Variants in ATRN observed in about 807,000 individuals in gnomAD.
ATRN encodes attractin, also known as attractin-2.
A neutral mutation model predicts 178.7 loss-of-function variants in ATRN; 54 were observed. The ratio of observed to expected loss-of-function variants is 0.30; its 90% confidence interval spans 0.24 to 0.38. ATRN has a LOEUF of 0.38. Among genes scored for constraint, ATRN ranks in the 10% least tolerant of loss-of-function variants. ATRN has a pLI of 1.00. For missense variants in ATRN, 1,443 were observed against 1,815.1 expected (o/e 0.79, Z 3.73); for synonymous variants, 636 against 663.0 (o/e 0.96, Z 0.63).
intron 1 of ATRN, among the ~76,000 whole-genome samples, chr20:3,533,806 A>G (rs1231562830): frequency 2.6e-5 from 4 of 152,052 alleles, no homozygotes; most frequent in Admixed American, 6.5e-5. Flanking sequence ...ATGTATATCT[A>G]TATCTATATA....
At chr20:3,473,088 A>G (rs1052567552) in intron 1 of ATRN, among the ~76,000 whole-genome samples, 1 of 152,250 alleles carries the variant, frequency 6.6e-6, no homozygotes, top group East Asian at 1.9e-4. Context: ...TATGAATTCC[A>G]TTAACCTACA....
rs1353067325 is a variant in ATRN, at chr20:3,647,815, A to T, written c.*968A>T. The T allele has an allele frequency of 6.6e-6, 1 of 152,228 alleles. No homozygotes were observed. The highest frequency in any genetic ancestry group is 2.4e-5 in the African/African-American group (1 of 41,458). The allele number at this position is 152,228 out of a possible 1,614,324, so 9.4% of individuals were successfully genotyped here. A position where few individuals can be genotyped will look rare whatever the true frequency, so the allele number is the denominator to read the frequency against. On this transcript the variant is annotated 3_prime_UTR_variant, in exon 29 of 29. Transcript: ENST00000262919. ...TCACCCAAGGAACATTTGATCTAGC[A>T]GCAGGGATGAGAGGAAAGCAGAAAT...
At chr20:3,627,228 C>T (rs903482926) in intron 25 of ATRN, among the ~76,000 whole-genome samples, 1 of 152,202 alleles carries the variant, frequency 6.6e-6, no homozygotes, top group African/African-American at 2.4e-5. Context: ...TTAGCTGCAC[C>T]TAGAATCACT....
intron 1 of ATRN, among the ~76,000 whole-genome samples, chr20:3,505,124 C>T (rs2085022890): frequency 6.6e-6 from 1 of 152,258 alleles, no homozygotes; most frequent in South Asian, 2.1e-4. Context: ...GAGGTTGGCA[C>T]CTGAATCAGT....
intron 11 of ATRN, among the ~76,000 whole-genome samples, chr20:3,571,619 A>C (rs2086126197): frequency 6.7e-6 from 1 of 150,002 alleles, no homozygotes; most frequent in South Asian, 2.1e-4. Flanking sequence ...TATAGTTTTA[A>C]TTTGCATTTT....
rs1449198404 is a variant in ATRN at position 3,572,844 on chromosome 20, C to G, written c.1985C>G (p.Pro662Arg). Residue 662 changes from proline to arginine, a missense_variant, in exon 12 of 29, where the codon CCT (proline) becomes CGT (arginine). Pro to Arg is a moderately radical substitution (Grantham distance 103). This residue lies in a region of ATRN where 862 missense variants were observed against 972.1 expected (regional missense o/e 0.89). Coordinates refer to ENST00000262919, the MANE Select transcript of ATRN (RefSeq NM_139321.3). ...RSEAACLAAG[P>R]GIRCVWNTGS... Reference sequence around the variant, plus strand: ...GAAGCCGCTTGTTTAGCAGCAGGACCTGGTATTCGGTGTGTGTGGAACACA... The same window carrying G: ...GAAGCCGCTTGTTTAGCAGCAGGACGTGGTATTCGGTGTGTGTGGAACACA... 2 of 1,613,422 alleles carry G rather than the reference C, an allele frequency of 1.2e-6. No individual in the cohort carries two copies.
At chr20:3,471,686 C>T (rs531109887) in intron 1 of ATRN, among the ~76,000 whole-genome samples, 169 bp downstream of exon 1, 1 of 152,178 alleles carries the variant, frequency 6.6e-6, no homozygotes, top group African/African-American at 2.4e-5. Flanking sequence ...CGTCTCTGGC[C>T]TGGGGTCTTT....
chr20:3,505,348 A>G (rs2085028014), intron 1 of ATRN, among the ~76,000 whole-genome samples: 1 of 152,088 alleles, frequency 6.6e-6, no homozygotes, highest in South Asian at 2.1e-4. Flanking sequence ...TTGGCCTCAG[A>G]CTGAGTTACA....
At chr20:3,596,963 G>A (rs759163283) in intron 21 of ATRN, among the ~76,000 whole-genome samples, 3 of 151,174 alleles carry the variant, frequency 2.0e-5, no homozygotes, top group Non-Finnish European at 2.9e-5. Context: ...AGGAGTTAAT[G>A]TTATGGCATA....
chr20:3,573,797 C>T (rs528347655), intron 12 of ATRN, among the ~76,000 whole-genome samples: 2 of 151,722 alleles, frequency 1.3e-5, no homozygotes, highest in South Asian at 4.2e-4. Flanking sequence ...GAGACAGAGT[C>T]TCTGTCGCTC....
At chr20:3,590,119 T>C (rs1039208884) in intron 18 of ATRN, among the ~76,000 whole-genome samples, 6 of 152,122 alleles carry the variant, frequency 3.9e-5, no homozygotes, top group African/African-American at 1.4e-4. Flanking sequence ...CTGGCTAATT[T>C]TTTGTATTTT....
intron 24 of ATRN, among the ~76,000 whole-genome samples, chr20:3,620,046 A>T (rs951496896): frequency 6.6e-5 from 10 of 151,956 alleles, no homozygotes; most frequent in African/African-American, 1.7e-4. Context: ...CTTTTGTTTC[A>T]AAGCACTGTC....
chr20:3,517,503 C>A (rs1184947535), intron 1 of ATRN, among the ~76,000 whole-genome samples: 2 of 151,394 alleles, frequency 1.3e-5, no homozygotes, highest in African/African-American at 4.9e-5. Context: ...ACCAGAAAAG[C>A]CTTTTAAAAA....
At chr20:3,511,246 T>C (rs1459257402) in intron 1 of ATRN, among the ~76,000 whole-genome samples, 2 of 152,026 alleles carry the variant, frequency 1.3e-5, no homozygotes, top group African/African-American at 4.8e-5. Flanking sequence ...ATAAATTAGT[T>C]GAATATAAAA....
chr20:3,640,047 A>G (rs558732470), intron 27 of ATRN, among the ~76,000 whole-genome samples: 1 of 152,364 alleles, frequency 6.6e-6, no homozygotes, highest in South Asian at 2.1e-4. Context: ...ATTGATGTGG[A>G]CAGGACTCCA....
At chr20:3,498,663 G>C (rs1467333132) in intron 1 of ATRN, among the ~76,000 whole-genome samples, 1 of 152,114 alleles carries the variant, frequency 6.6e-6, no homozygotes, top group African/African-American at 2.4e-5. Context: ...CAGTAAATTA[G>C]GTATTGATGG....
Position 3,472,441 on chromosome 20 carries a change from G to A in ATRN, c.410+924G>A, listed in dbSNP as rs568480915. On this transcript the variant is annotated intron_variant, in intron 1 of 28. Transcript: ENST00000262919. ...TTACTGAACACATGTCTGATGTGGGGGAGTGGGGAAATGTGAACAAGACAG... is the reference window on the plus strand; with the variant it reads ...TTACTGAACACATGTCTGATGTGGGAGAGTGGGGAAATGTGAACAAGACAG... Among the ~76,000 whole-genome samples the A allele has an allele frequency of 3.9e-5, 6 of 152,288 alleles. No homozygotes were observed. In the South Asian group the frequency reaches 1.0e-3, roughly 26 times the overall value.
intron 1 of ATRN, among the ~76,000 whole-genome samples, chr20:3,484,357 G>C (rs535473922): frequency 1.2e-4 from 18 of 150,994 alleles, no homozygotes; most frequent in Non-Finnish European, 2.5e-4. Flanking sequence ...TTCCTTTCCT[G>C]TACTGACCTT....
chr20:3,564,380 T>C (rs927361334), intron 10 of ATRN, among the ~76,000 whole-genome samples: 13 of 152,030 alleles, frequency 8.6e-5, no homozygotes, highest in Admixed American at 7.9e-4. Flanking sequence ...AGGTGTCAGG[T>C]AGGTGAAGTT....
Sources: allele counts gnomAD v4.1 joint callset (sites outside exome capture counted in the v4.1 genomes callset), GRCh38; gene constraint gnomAD v4.1.1; regional missense constraint gnomAD v4.1.1; transcripts MANE v1.5; gene names NCBI Gene and HGNC (gene_info 2026-07-23, HGNC 2026-07-21).